The following GTF2F2 variants were observed in gnomAD, a reference collection of about 807,000 sequenced individuals.
GTF2F2 encodes general transcription factor IIF subunit 2, also known as ATP-dependent helicase GTF2F2.
A neutral mutation model predicts 42.2 loss-of-function variants in GTF2F2; 23 were observed. The ratio of observed to expected loss-of-function variants is 0.55; its 90% confidence interval spans 0.39 to 0.77. The LOEUF (loss-of-function observed/expected upper bound fraction) is 0.77, where lower values mean the gene tolerates loss of function less well. GTF2F2 is among the 30% of genes least tolerant of loss of function. The probability of loss-of-function intolerance (pLI) is 0.00; values close to 1 mark genes in which losing one functional copy is unlikely to be tolerated. For synonymous variants in GTF2F2, 105 were observed against 100.8 expected (o/e 1.04, Z -0.25); for missense variants, 261 against 287.2 (o/e 0.91, Z 0.66).
At chr13:45,197,538 G>A (rs1445265540) in intron 4 of GTF2F2, among the ~76,000 whole-genome samples, 1 of 149,642 alleles carries the variant, frequency 6.7e-6, no homozygotes, top group Non-Finnish European at 1.5e-5. Context: ...GCACCCAGTA[G>A]GCCCCGCTGT....
chr13:45,214,016 A>G (rs1165399131), intron 5 of GTF2F2, among the ~76,000 whole-genome samples: 1 of 152,218 alleles, frequency 6.6e-6, no homozygotes, highest in Non-Finnish European at 1.5e-5. Flanking sequence ...ACCTATTCTT[A>G]AGTCAATGAG....
chr13:45,123,455 C>T (rs1020012113), intron 1 of GTF2F2: 6 of 152,062 alleles, frequency 3.9e-5, no homozygotes, highest in African/African-American at 1.2e-4. Flanking sequence ...TAGCAAAACC[C>T]TTTATCTACA....
chr13:45,170,211 A>G (rs1015154261), intron 4 of GTF2F2, among the ~76,000 whole-genome samples: 2 of 152,128 alleles, frequency 1.3e-5, no homozygotes, highest in Non-Finnish European at 2.9e-5. Context: ...TGTTTTTTGT[A>G]GAGACAGGGT....
At chr13:45,176,921 G>T (rs1593472659) in intron 4 of GTF2F2, among the ~76,000 whole-genome samples, 1 of 152,056 alleles carries the variant, frequency 6.6e-6, no homozygotes. Flanking sequence ...GAGTAGCCGG[G>T]ATTATAGGTG....
At chr13:45,131,164 C>T (rs949506363) in intron 1 of GTF2F2, among the ~76,000 whole-genome samples, 3 of 151,148 alleles carry the variant, frequency 2.0e-5, no homozygotes, top group Non-Finnish European at 1.5e-5. Flanking sequence ...GCCGAGATCG[C>T]GCCATTGCAC....
chr13:45,159,757 G>A (rs1870946407), intron 4 of GTF2F2, among the ~76,000 whole-genome samples: 1 of 152,186 alleles, frequency 6.6e-6, no homozygotes, highest in African/African-American at 2.4e-5. Context: ...ACAAGCGTTG[G>A]CCACCATGCC....
At chr13:45,155,966 T>A (rs765873901) in intron 4 of GTF2F2, among the ~76,000 whole-genome samples, 2 of 152,154 alleles carry the variant, frequency 1.3e-5, no homozygotes, top group Non-Finnish European at 2.9e-5. Context: ...TTATTCAAAG[T>A]TAGATTTTCT....
At chr13:45,272,199 G>T (rs1246918868) in intron 7 of GTF2F2, among the ~76,000 whole-genome samples, 1 of 150,688 alleles carries the variant, frequency 6.6e-6, no homozygotes, top group Non-Finnish European at 1.5e-5. Context: ...GCTAACTTAT[G>T]AAATAGAGCC....
chr13:45,197,563 A>G lies in GTF2F2; in HGVS notation c.305-9861A>G, dbSNP rs548803974. 3.3e-5 allele frequency among the ~76,000 whole-genome samples: 5 copies of G among 151,652 alleles called. No homozygotes were observed. The South Asian group carries it at 8.3e-4, about 25-fold the overall frequency. On this transcript the variant is annotated intron_variant, in intron 4 of 7. Transcript: ENST00000340473. ...GGCCCCGCTGTATGCCTAATACTCC[A>G]TATTACCTCCAGCAAAGCAAGATGA...
In GTF2F2 at chr13:45,283,308, A is replaced by G. The variant is rs916395372; in HGVS notation, c.631-134A>G. 8.9e-6 allele frequency: 6 copies of G among 673,254 alleles called. No homozygotes were observed. In the African/African-American group the frequency reaches 1.1e-4, roughly 12 times the overall value. The allele number at this position is 673,254 out of a possible 1,614,324, so 41.7% of individuals were successfully genotyped here. ...AAAAGGCAGTTTATTGAACCTCCTT[A>G]TAGAGAAATCTTGCTGAGCTTTTAG... On this transcript the variant is annotated intron_variant, in intron 7 of 7. Coordinates refer to ENST00000340473, the MANE Select transcript of GTF2F2 (RefSeq NM_004128.3).
chr13:45,279,926 C>A (rs1011301909), intron 7 of GTF2F2, among the ~76,000 whole-genome samples: 2 of 151,454 alleles, frequency 1.3e-5, no homozygotes, highest in South Asian at 2.1e-4. Context: ...CCGCCCCCCC[C>A]AAAAAAGGAG....
At chr13:45,189,677 GTT>G (rs1387409721) in intron 4 of GTF2F2, among the ~76,000 whole-genome samples, 4 of 146,970 alleles carry the variant, frequency 2.7e-5, no homozygotes, top group Non-Finnish European at 6.2e-5. Flanking sequence ...GGCTGTTGTG[GTT>G]TTGATTTGCA....
intron 4 of GTF2F2, among the ~76,000 whole-genome samples, chr13:45,175,844 G>C (rs112802864): frequency 1.3e-5 from 2 of 152,074 alleles, no homozygotes; most frequent in African/African-American, 2.4e-5. Flanking sequence ...GGCTGGTCTC[G>C]AACTCCCGAC....
At chr13:45,126,245 CT>C (rs11383296) in intron 1 of GTF2F2, among the ~76,000 whole-genome samples, 1,219 of 100,632 alleles carry the variant, frequency 0.012, 6 homozygotes, top group African/African-American at 0.04. Context: ...GGAAGAACGA[CT>C]TTTTTTTTTT....
In GTF2F2 at chr13:45,204,250, A is replaced by G. The variant is rs145190360; in HGVS notation, c.305-3174A>G. On this transcript the variant is annotated intron_variant, in intron 4 of 7. Coordinates refer to ENST00000340473, the MANE Select transcript of GTF2F2 (RefSeq NM_004128.3). ...GGAATGGCTAAATCAAGCTATTCAT[A>G]TCTATACTTTTTAACTAATACATGC... Among the ~76,000 whole-genome samples, 1,328 of 152,300 alleles carry G rather than the reference A, an allele frequency of 8.7e-3. 12 individuals are homozygous for G. Among genetic ancestry groups the G allele is most frequent in the Admixed American group, 0.013 (196 of 15,294 alleles).
chr13:45,190,881 G>C (rs761932354), intron 4 of GTF2F2, among the ~76,000 whole-genome samples: 61 of 150,116 alleles, frequency 4.1e-4, no homozygotes, highest in Non-Finnish European at 6.9e-4. Flanking sequence ...CTCCCAAGTA[G>C]CTGGGATTAC....
At chr13:45,127,776 G>A (rs1243393216) in intron 1 of GTF2F2, among the ~76,000 whole-genome samples, 1 of 151,768 alleles carries the variant, frequency 6.6e-6, no homozygotes, top group African/African-American at 2.4e-5. Context: ...GGGATTACAG[G>A]CGCCTGCCAC....
chr13:45,166,097 A>G (rs1871288255), intron 4 of GTF2F2, among the ~76,000 whole-genome samples: 1 of 152,160 alleles, frequency 6.6e-6, no homozygotes, highest in Non-Finnish European at 1.5e-5. Flanking sequence ...TACAGGCGTG[A>G]GCCACCACAC....
chr13:45,259,688 C>T lies in GTF2F2; in HGVS notation c.486+6718C>T, dbSNP rs192011933. On this transcript the variant is annotated intron_variant, in intron 6 of 7. Coordinates refer to ENST00000340473, the MANE Select transcript of GTF2F2 (RefSeq NM_004128.3). Reference sequence around the variant, plus strand: ...TTTTTTTTTTTGTGAGACAGAGTCTCGCCCTGTTGCCCAGGCTGGAGTGCA... The same window carrying T: ...TTTTTTTTTTTGTGAGACAGAGTCTTGCCCTGTTGCCCAGGCTGGAGTGCA... Among the ~76,000 whole-genome samples the T allele has an allele frequency of 1.8e-3, 226 of 128,660 alleles. 1 individual carries two copies. The highest frequency in any genetic ancestry group is 5.6e-3 in the Admixed American group (62 of 11,070). The allele number at this position is 128,660 out of a possible 152,430, so 84.4% of individuals were successfully genotyped here. A position where few individuals can be genotyped will look rare whatever the true frequency, so the allele number is the denominator to read the frequency against.
Sources: gnomAD v4.1 joint callset for allele counts (sites outside exome capture counted in the v4.1 genomes callset) on GRCh38, gnomAD v4.1.1 for gene constraint, MANE v1.5 for transcripts, NCBI Gene and HGNC (gene_info 2026-07-23, HGNC 2026-07-21) for gene names.